The following DENND1B variants were observed in gnomAD, a reference collection of about 807,000 sequenced individuals.
The protein encoded by DENND1B is DENN domain containing 1B.
A neutral mutation model predicts 90.1 loss-of-function variants in DENND1B; 59 were observed. That is an observed-to-expected ratio of 0.65 (90% confidence interval 0.53 to 0.81). The LOEUF (loss-of-function observed/expected upper bound fraction) is 0.81, where lower values mean the gene tolerates loss of function less well. Ranked by LOEUF, DENND1B falls within the 40% of genes least tolerant of loss-of-function variation. DENND1B has a pLI of 0.00. For missense variants in DENND1B, 862 were observed against 912.6 expected (o/e 0.94, Z 0.71); for synonymous variants, 337 against 324.6 (o/e 1.04, Z -0.41).
chr1:197,702,242 A>T (rs1659110805), intron 3 of DENND1B, among the ~76,000 whole-genome samples: 1 of 152,188 alleles, frequency 6.6e-6, no homozygotes, highest in South Asian at 2.1e-4. Flanking sequence ...TATTAAGGTA[A>T]ATCTTTAGAA....
intron 7 of DENND1B, among the ~76,000 whole-genome samples, chr1:197,651,402 A>G (rs1445985622): frequency 2.0e-5 from 3 of 152,054 alleles, no homozygotes; most frequent in African/African-American, 7.2e-5. Flanking sequence ...CTATCCCATC[A>G]CAGGCTTGTT....
chr1:197,583,113 G>A (rs1674387515), intron 15 of DENND1B, 39 bp downstream of exon 15: 1 of 1,535,512 alleles, frequency 6.5e-7, no homozygotes, highest in Non-Finnish European at 9.0e-7. Flanking sequence ...AACTGACAAT[G>A]TTGTCTTACA....
At chr1:197,655,704 T>C (rs1032281062) in intron 6 of DENND1B, among the ~76,000 whole-genome samples, 3 of 152,034 alleles carry the variant, frequency 2.0e-5, no homozygotes, top group Non-Finnish European at 4.4e-5. Flanking sequence ...GCTAATTTTT[T>C]TGTATTTTTA....
At chr1:197,516,778 T>C (rs1224812901) in intron 20 of DENND1B, among the ~76,000 whole-genome samples, 3 of 151,764 alleles carry the variant, frequency 2.0e-5, no homozygotes, top group Non-Finnish European at 4.4e-5. Flanking sequence ...CACAGACATA[T>C]CATTATTAAA....
At chr1:197,773,018 T>A in intron 1 of DENND1B, 86 bp from the exon 2 acceptor site, 3 of 1,114,646 alleles carry the variant, frequency 2.7e-6, no homozygotes, top group Non-Finnish European at 4.0e-6. Context: ...AAACTAATCT[T>A]GTTTTTGTCT....
chr1:197,737,637 A>G (rs2102348899), intron 2 of DENND1B, among the ~76,000 whole-genome samples: 2 of 152,326 alleles, frequency 1.3e-5, no homozygotes, highest in East Asian at 3.9e-4. Context: ...TGCAACAATG[A>G]TTCTTATTCA....
At chr1:197,714,542 A>G (rs1207043720) in intron 3 of DENND1B, among the ~76,000 whole-genome samples, 1 of 152,118 alleles carries the variant, frequency 6.6e-6, no homozygotes, top group Non-Finnish European at 1.5e-5. Flanking sequence ...AAGTAAAGCT[A>G]TAGGTAAGAA....
intron 5 of DENND1B, among the ~76,000 whole-genome samples, chr1:197,658,933 C>T (rs766250230): frequency 6.6e-6 from 1 of 150,700 alleles, no homozygotes; most frequent in Non-Finnish European, 1.5e-5. Flanking sequence ...AAATTTAATT[C>T]ATTGTACTAG....
chr1:197,766,355 C>T (rs186221085), intron 2 of DENND1B, among the ~76,000 whole-genome samples: 13 of 152,196 alleles, frequency 8.5e-5, no homozygotes, highest in African/African-American at 3.1e-4. Flanking sequence ...GCAAAAACAA[C>T]TATCATGGTA....
At chr1:197,700,125 G>A (rs905883574) in intron 3 of DENND1B, among the ~76,000 whole-genome samples, 2 of 152,102 alleles carry the variant, frequency 1.3e-5, no homozygotes, top group African/African-American at 2.4e-5. Context: ...AATTTCATAC[G>A]GAATCAAAGG....
At chr1:197,604,275 G>A (rs1180910748) in intron 13 of DENND1B, among the ~76,000 whole-genome samples, 1 of 151,094 alleles carries the variant, frequency 6.6e-6, no homozygotes, top group Admixed American at 6.6e-5. Context: ...GACAGGAAAA[G>A]AGGTTTTCCC....
At chr1:197,583,641 GACATT>G (rs1476847494) in intron 14 of DENND1B, among the ~76,000 whole-genome samples, 1 of 152,104 alleles carries the variant, frequency 6.6e-6, no homozygotes, top group Non-Finnish European at 1.5e-5. Flanking sequence ...CATGATATTT[GACATT>G]CGCACTTAGT....
chr1:197,720,466 C>T (rs772356943), intron 2 of DENND1B, among the ~76,000 whole-genome samples: 9 of 151,882 alleles, frequency 5.9e-5, no homozygotes, highest in African/African-American at 1.7e-4. Context: ...GTCTTGAACT[C>T]GTGGGCTCAG....
chr1:197,578,302 T>C (rs1471792642), intron 15 of DENND1B, among the ~76,000 whole-genome samples: 1 of 152,164 alleles, frequency 6.6e-6, no homozygotes, highest in Admixed American at 6.5e-5. Context: ...TGGAGTGCAC[T>C]GGCACAATCT....
chr1:197,516,540 G>A (rs977459011), intron 20 of DENND1B, among the ~76,000 whole-genome samples: 2 of 151,726 alleles, frequency 1.3e-5, no homozygotes, highest in Non-Finnish European at 2.9e-5. Flanking sequence ...GTGTTCTGGT[G>A]GGTTGCGACT....
intron 3 of DENND1B, among the ~76,000 whole-genome samples, chr1:197,691,483 G>A (rs1657874895): frequency 6.6e-6 from 1 of 152,006 alleles, no homozygotes; most frequent in Non-Finnish European, 1.5e-5. Flanking sequence ...TGGAGAGAGT[G>A]TAGAAAATTG....
At chr1:197,690,570 G>T in intron 3 of DENND1B, 1 of 235,052 alleles carries the variant, frequency 4.3e-6, no homozygotes, top group South Asian at 7.1e-5. Flanking sequence ...CAAAGCAGTG[G>T]ACAAGAGGGC....
intron 1 of DENND1B, among the ~76,000 whole-genome samples, chr1:197,773,276 C>T (rs542158988): frequency 6.6e-6 from 1 of 152,272 alleles, no homozygotes; most frequent in Admixed American, 6.5e-5. Flanking sequence ...TACAAAAATG[C>T]AAAGTATTGG....
chr1:197,764,798 A>G (rs1455520177), intron 2 of DENND1B, among the ~76,000 whole-genome samples: 1 of 152,226 alleles, frequency 6.6e-6, no homozygotes, highest in Non-Finnish European at 1.5e-5. Flanking sequence ...CTCACTGTTA[A>G]TTAATCAGAT....
Sources: allele counts gnomAD v4.1 joint callset (sites outside exome capture counted in the v4.1 genomes callset), GRCh38; gene constraint gnomAD v4.1.1; transcripts MANE v1.5; gene names NCBI Gene and HGNC (gene_info 2026-07-23, HGNC 2026-07-21).